Variants in RERE observed in about 807,000 individuals in gnomAD.
RERE encodes arginine-glutamic acid dipeptide repeats.
A neutral mutation model predicts 146.1 loss-of-function variants in RERE; 40 were observed. The observed-to-expected ratio is 0.27, with a 90% confidence interval of 0.21 to 0.36. RERE has a LOEUF of 0.36. Ranked by LOEUF, RERE falls within the 10% of genes least tolerant of loss-of-function variation. RERE has a pLI of 1.00. For missense variants in RERE, 1,933 were observed against 2,138.7 expected (o/e 0.90, Z 1.90); for synonymous variants, 1,003 against 866.0 (o/e 1.16, Z -2.78).
intron 1 of RERE, among the ~76,000 whole-genome samples, chr1:8,786,025 C>G (rs973039111): frequency 5.3e-5 from 8 of 152,268 alleles, no homozygotes; most frequent in African/African-American, 7.2e-5. Context: ...TCCACGACTA[C>G]CACACTAACC....
At chr1:8,481,542 C>T (rs1327675259) in intron 10 of RERE, among the ~76,000 whole-genome samples, 1 of 152,192 alleles carries the variant, frequency 6.6e-6, no homozygotes, top group East Asian at 1.9e-4. Context: ...ATGATAACCA[C>T]ACTTGCCTCA....
At chr1:8,720,188 G>C (rs1049323232) in intron 1 of RERE, among the ~76,000 whole-genome samples, 1 of 150,948 alleles carries the variant, frequency 6.6e-6, no homozygotes, top group Non-Finnish European at 1.5e-5. Flanking sequence ...CAGGAGAATC[G>C]CTTGAACCCA....
intron 9 of RERE, 99 bp from the exon 10 acceptor site, chr1:8,495,261 T>C (rs903990423): frequency 1.2e-6 from 1 of 852,292 alleles, no homozygotes; most frequent in Non-Finnish European, 2.0e-6. Flanking sequence ...CCAGAACAAA[T>C]TCCATTACTA....
intron 1 of RERE, among the ~76,000 whole-genome samples, chr1:8,691,562 C>T (rs1229980705): frequency 6.6e-6 from 1 of 152,136 alleles, no homozygotes; most frequent in Non-Finnish European, 1.5e-5. Context: ...TGAGAGGGTT[C>T]ATGGATAGGC....
At chr1:8,416,772 A>G (rs879077563) in intron 12 of RERE, among the ~76,000 whole-genome samples, 2 of 152,196 alleles carry the variant, frequency 1.3e-5, no homozygotes, top group South Asian at 2.1e-4. Flanking sequence ...ATGATATACT[A>G]TGCAGGCTCA....
At chr1:8,644,906 C>G (rs965359701) in intron 2 of RERE, among the ~76,000 whole-genome samples, 2 of 152,200 alleles carry the variant, frequency 1.3e-5, no homozygotes, top group Admixed American at 1.3e-4. Context: ...AGAAATCAGT[C>G]TATCTCTTCT....
chr1:8,417,671 C>T (rs924988954), intron 12 of RERE, among the ~76,000 whole-genome samples: 1 of 152,082 alleles, frequency 6.6e-6, no homozygotes, highest in Non-Finnish European at 1.5e-5. Flanking sequence ...TTCGGTAGCA[C>T]AGCCCTCACT....
intron 1 of RERE, among the ~76,000 whole-genome samples, chr1:8,658,738 C>CGA: frequency 6.8e-6 from 1 of 147,904 alleles, no homozygotes; most frequent in East Asian, 2.0e-4. Flanking sequence ...GCCTGGGCAA[C>CGA]GAGAGAGACT....
chr1:8,694,976 G>GGGC (rs1553135238), intron 1 of RERE, among the ~76,000 whole-genome samples: 5 of 136,972 alleles, frequency 3.7e-5, no homozygotes, highest in South Asian at 2.6e-4. Flanking sequence ...AATCCTAAGG[G>GGGC]GGGGGGGGGA....
At chr1:8,765,884 G>A (rs916835754) in intron 1 of RERE, among the ~76,000 whole-genome samples, 10 of 152,142 alleles carry the variant, frequency 6.6e-5, no homozygotes, top group South Asian at 2.1e-4. Flanking sequence ...CCAGGGAGTC[G>A]GAGGTTGCAG....
chr1:8,496,842 TAG>T (rs1300185828), intron 9 of RERE, among the ~76,000 whole-genome samples: 2 of 152,182 alleles, frequency 1.3e-5, no homozygotes, highest in African/African-American at 4.8e-5. Flanking sequence ...AGCCACAAAG[TAG>T]AGACAGAACA....
intron 4 of RERE, among the ~76,000 whole-genome samples, chr1:8,605,840 C>T (rs1350002785): frequency 1.6e-5 from 1 of 62,798 alleles, no homozygotes; most frequent in African/African-American, 6.4e-5. Context: ...GTGTTAAATA[C>T]CAAACTTTTT....
chr1:8,536,339 G>C (rs761658096), intron 7 of RERE, among the ~76,000 whole-genome samples: 2 of 152,108 alleles, frequency 1.3e-5, no homozygotes, highest in Non-Finnish European at 2.9e-5. Flanking sequence ...AGGCCACCCA[G>C]ATCCAAGAGG....
Position 8,564,826 on chromosome 1 carries a change from A to ATATG in RERE, c.523-7304_523-7303insCATA, listed in dbSNP as rs1384858524. Among the ~76,000 whole-genome samples the ATATG allele has an allele frequency of 5.6e-3, 660 of 117,838 alleles. 3 individuals carry two copies. Among genetic ancestry groups the ATATG allele is most frequent in the African/African-American group, 0.01 (293 of 28,790 alleles). 77.3% of individuals were successfully genotyped at this position (117,838 alleles called of 152,430 possible). ...TGTGTGTGTATGTATGTGTGTGTATATGTGTATGTGTGTGTGTGTGTGTGT... is the reference window on the plus strand; with the variant it reads ...TGTGTGTGTATGTATGTGTGTGTATATATGTGTGTATGTGTGTGTGTGTGTGTGT... On this transcript the variant is annotated intron_variant, in intron 4 of 22. Coordinates refer to ENST00000400908, the MANE Select transcript of RERE (RefSeq NM_001042681.2).
chr1:8,402,006 G>A (rs1265509387), intron 12 of RERE, among the ~76,000 whole-genome samples: 1 of 152,038 alleles, frequency 6.6e-6, no homozygotes, highest in East Asian at 1.9e-4. Flanking sequence ...GAGTAGCTGG[G>A]GCTACAGGCG....
At chr1:8,373,558 C>T (rs193048661) in intron 12 of RERE, among the ~76,000 whole-genome samples, 5 of 148,002 alleles carry the variant, frequency 3.4e-5, no homozygotes, top group African/African-American at 5.0e-5. Context: ...GAGCTGCTTC[C>T]TAAACCCGGG....
At chr1:8,582,375 C>CT (rs953429620) in intron 4 of RERE, among the ~76,000 whole-genome samples, 384 of 136,438 alleles carry the variant, frequency 2.8e-3, no homozygotes, top group African/African-American at 7.4e-3. Flanking sequence ...ACTGTGCCTG[C>CT]TTTTTTTTTT....
Position 8,655,943 on chromosome 1 carries a change from T to C in RERE, c.325+30A>G, listed in dbSNP as rs200977652. ...CAAGATCATTCCCCCACTGTAAACA[T>C]TGGCAAGACCCAAACGTAAGGCTCC... is the stretch of plus-strand genomic sequence containing the variant. On this transcript the variant is annotated intron_variant, in intron 2 of 22. Transcript: ENST00000400908. 1,113 of 1,600,870 alleles carry C rather than the reference T, an allele frequency of 7.0e-4. 17 individuals are homozygous for C. In the South Asian group the frequency reaches 8.4e-3, roughly 12 times the overall value.
At chr1:8,633,707 G>A (rs936023371) in intron 2 of RERE, among the ~76,000 whole-genome samples, 1 of 152,008 alleles carries the variant, frequency 6.6e-6, no homozygotes, top group Non-Finnish European at 1.5e-5. Context: ...CAGGTGGATC[G>A]TGTGAGCCCA....
Sources: gnomAD v4.1 joint callset for allele counts (sites outside exome capture counted in the v4.1 genomes callset) on GRCh38, gnomAD v4.1.1 for gene constraint, MANE v1.5 for transcripts, NCBI Gene and HGNC (gene_info 2026-07-23, HGNC 2026-07-21) for gene names.